Variants in PDGFC observed in about 807,000 individuals in gnomAD.
The protein encoded by PDGFC is platelet derived growth factor C, also known as platelet-derived growth factor C.
Under a neutral mutation model 35.5 loss-of-function variants are expected in PDGFC, and 12 were observed. That is an observed-to-expected ratio of 0.34 (90% CI 0.22 to 0.55). The LOEUF (loss-of-function observed/expected upper bound fraction) is 0.55. Among genes scored for constraint, PDGFC ranks in the 20% least tolerant of loss-of-function variants. PDGFC has a pLI of 0.91. For missense variants in PDGFC, 322 were observed against 412.4 expected (o/e 0.78, Z 1.90); for synonymous variants, 159 against 148.8 (o/e 1.07, Z -0.50).
At chr4:156,840,661 T>G (rs769845431) in intron 2 of PDGFC, among the ~76,000 whole-genome samples, 32 of 152,136 alleles carry the variant, frequency 2.1e-4, no homozygotes, top group Non-Finnish European at 4.4e-4. Context: ...GCTTGCACTG[T>G]GCACCTGGAA....
At chr4:156,874,974 TC>T (rs1477479856) in intron 1 of PDGFC, among the ~76,000 whole-genome samples, 5 of 152,280 alleles carry the variant, frequency 3.3e-5, no homozygotes, top group African/African-American at 1.2e-4. Flanking sequence ...CACTCTGGCC[TC>T]CCAAAGTGCT....
intron 1 of PDGFC, among the ~76,000 whole-genome samples, chr4:156,966,424 G>T (rs1223203518): frequency 6.6e-6 from 1 of 151,786 alleles, no homozygotes; most frequent in Non-Finnish European, 1.5e-5. Context: ...AAACCTACGG[G>T]GAAAATATCA....
intron 1 of PDGFC, among the ~76,000 whole-genome samples, chr4:156,868,070 C>T (rs1468678257): frequency 6.6e-6 from 1 of 152,056 alleles, no homozygotes; most frequent in Non-Finnish European, 1.5e-5. Flanking sequence ...CTACCTTGGC[C>T]TCCCAAAGTG....
chr4:156,856,104 A>G (rs1729573898), intron 1 of PDGFC, among the ~76,000 whole-genome samples: 1 of 152,088 alleles, frequency 6.6e-6, no homozygotes, highest in Non-Finnish European at 1.5e-5. Context: ...CTTTATCATC[A>G]TTTCCCATAT....
At chr4:156,967,203 T>A (rs1560895063) in intron 1 of PDGFC, 1 of 152,130 alleles carries the variant, frequency 6.6e-6, no homozygotes, top group East Asian at 1.9e-4. Flanking sequence ...AAAACAGAGA[T>A]TTGAAGCTGC....
intron 1 of PDGFC, among the ~76,000 whole-genome samples, chr4:156,948,405 C>T (rs1731997964): frequency 6.6e-6 from 1 of 151,876 alleles, no homozygotes; most frequent in Admixed American, 6.6e-5. Flanking sequence ...TGACTATATC[C>T]ACATCGAGCT....
intron 3 of PDGFC, among the ~76,000 whole-genome samples, chr4:156,790,866 G>T (rs1193456055): frequency 6.6e-6 from 1 of 152,112 alleles, no homozygotes; most frequent in African/African-American, 2.4e-5. Context: ...TCTGGCACAG[G>T]GTAGGAACTT....
chr4:156,780,951 T>C (rs562547261), intron 3 of PDGFC, among the ~76,000 whole-genome samples: 12 of 152,286 alleles, frequency 7.9e-5, no homozygotes, highest in African/African-American at 2.9e-4. Context: ...TAGCTCTGAG[T>C]GCTGGTTCCT....
At chr4:156,824,332 AC>A (rs1732376531) in intron 2 of PDGFC, among the ~76,000 whole-genome samples, 1 of 126,428 alleles carries the variant, frequency 7.9e-6, no homozygotes, top group Non-Finnish European at 1.5e-5. Flanking sequence ...ATATATACAC[AC>A]ACACACACAC....
At chr4:156,852,177 A>G (rs1729473707) in intron 1 of PDGFC, among the ~76,000 whole-genome samples, 1 of 152,114 alleles carries the variant, frequency 6.6e-6, no homozygotes, top group Non-Finnish European at 1.5e-5. Flanking sequence ...AACAGTCTTT[A>G]GCAATGCCTC....
chr4:156,763,237 A>G (rs1007011689), intron 5 of PDGFC, 31 bp from the exon 6 acceptor site: 2 of 1,065,270 alleles, frequency 1.9e-6, no homozygotes, highest in African/African-American at 3.1e-5. Context: ...GCCACTTTTA[A>G]AAATCAACGA....
At chr4:156,893,844 T>G (rs2111201346) in intron 1 of PDGFC, among the ~76,000 whole-genome samples, 1 of 152,318 alleles carries the variant, frequency 6.6e-6, no homozygotes, top group South Asian at 2.1e-4. Flanking sequence ...AGACATATTA[T>G]ACATAAACAC....
At position 156,825,597 on chromosome 4, in the gene PDGFC, A is replaced by T. The variant is rs1245543231; in HGVS notation, c.315-14580T>A. Among the ~76,000 whole-genome samples, 154 of 82,778 alleles carry T rather than the reference A, an allele frequency of 1.9e-3. 1 individual carries two copies. Among genetic ancestry groups the T allele is most frequent in the Middle Eastern group, 6.3e-3 (1 of 160 alleles). The allele number at this position is 82,778 out of a possible 152,430, so 54.3% of individuals were successfully genotyped here. A position where few individuals can be genotyped will look rare whatever the true frequency, so the allele number is the denominator to read the frequency against. On this transcript the variant is annotated intron_variant, in intron 2 of 5. Transcript: ENST00000502773. ...TAATAATAATAATAATAATAATAAGAAGAAGAAGAAGAAGAAGAAGAAGAA... is the reference window on the plus strand; with the variant it reads ...TAATAATAATAATAATAATAATAAGTAGAAGAAGAAGAAGAAGAAGAAGAA...
At chr4:156,780,564 A>C (rs2110844594) in intron 3 of PDGFC, among the ~76,000 whole-genome samples, 1 of 152,286 alleles carries the variant, frequency 6.6e-6, no homozygotes. Context: ...ATGTTCAATA[A>C]GTTAAATAGT....
At chr4:156,964,250 A>C (rs1220994353) in intron 1 of PDGFC, among the ~76,000 whole-genome samples, 1 of 151,772 alleles carries the variant, frequency 6.6e-6, no homozygotes, top group Non-Finnish European at 1.5e-5. Flanking sequence ...TCACTGAATA[A>C]GCCAAAATAT....
intron 1 of PDGFC, among the ~76,000 whole-genome samples, chr4:156,930,598 C>A (rs1000858902): frequency 5.3e-5 from 8 of 152,144 alleles, no homozygotes; most frequent in African/African-American, 1.9e-4. Context: ...CCGGGCGCAG[C>A]GTCTCACGCC....
At chr4:156,907,356 T>C (rs1250340463) in intron 1 of PDGFC, among the ~76,000 whole-genome samples, 2 of 152,102 alleles carry the variant, frequency 1.3e-5, no homozygotes, top group African/African-American at 2.4e-5. Context: ...TTACATAATA[T>C]AAAATGCATG....
intron 1 of PDGFC, among the ~76,000 whole-genome samples, chr4:156,938,854 T>C (rs1012751349): frequency 2.6e-5 from 4 of 151,612 alleles, no homozygotes; most frequent in Admixed American, 1.3e-4. Flanking sequence ...CTATTATTAA[T>C]ATAAATACAA....
chr4:156,864,681 G>C (rs1472675366), intron 1 of PDGFC, among the ~76,000 whole-genome samples: 1 of 152,098 alleles, frequency 6.6e-6, no homozygotes, highest in African/African-American at 2.4e-5. Flanking sequence ...GTACAATATA[G>C]TAGCACCATT....
Sources: gnomAD v4.1 joint callset for allele counts (sites outside exome capture counted in the v4.1 genomes callset) on GRCh38, gnomAD v4.1.1 for gene constraint, MANE v1.5 for transcripts, NCBI Gene and HGNC (gene_info 2026-07-23, HGNC 2026-07-21) for gene names.